Variants in LRRC7 observed in about 807,000 individuals in gnomAD.
LRRC7 encodes leucine rich repeat containing 7, also known as leucine-rich repeat-containing protein 7.
LRRC7 carries 23 observed loss-of-function variants against 175.7 expected under a neutral mutation model. The observed-to-expected ratio is 0.13, with a 90% CI of 0.09 to 0.19. The LOEUF (loss-of-function observed/expected upper bound fraction) is 0.19, where lower values mean the gene tolerates loss of function less well. LRRC7 is among the 10% of genes least tolerant of loss of function. LRRC7 has a pLI of 1.00. For missense variants in LRRC7, 1,354 were observed against 1,904.7 expected (o/e 0.71, Z 5.38); for synonymous variants, 685 against 680.9 (o/e 1.01, Z -0.09).
chr1:70,047,580 C>T (rs934203058), intron 22 of LRRC7, among the ~76,000 whole-genome samples: 1 of 152,092 alleles, frequency 6.6e-6, no homozygotes, highest in African/African-American at 2.4e-5. Flanking sequence ...ACTTGATAAA[C>T]TATTTACATA....
intron 8 of LRRC7, among the ~76,000 whole-genome samples, chr1:69,961,463 G>T (rs545739330): frequency 6.6e-6 from 1 of 152,016 alleles, no homozygotes; most frequent in Non-Finnish European, 1.5e-5. Flanking sequence ...GACATTCTTC[G>T]CAGAACTAGA....
At position 70,067,022 on chromosome 1, in the gene LRRC7, T is replaced by C. The variant is rs116190910; in HGVS notation, c.4231-9055T>C. Among the ~76,000 whole-genome samples the C allele has an allele frequency of 3.8e-3, 579 of 152,236 alleles. 3 individuals are homozygous for C. The highest frequency in any genetic ancestry group is 0.013 in the African/African-American group (547 of 41,572). ...GTGGTTTTAATTTCAATTTCCATAA[T>C]GACTAATAACGTTGAACATCTTTTT... On this transcript the variant is annotated intron_variant, in intron 23 of 26. Transcript: ENST00000651989.
chr1:70,086,541 G>T (rs915537265), intron 24 of LRRC7, among the ~76,000 whole-genome samples: 1 of 152,000 alleles, frequency 6.6e-6, no homozygotes, highest in Non-Finnish European at 1.5e-5. Context: ...CACTTTGGAA[G>T]GCTGAGATGG....
rs577291129 is a variant in LRRC7, at chr1:70,079,174, T to C, written c.4452+2876T>C. 3.1e-3 allele frequency among the ~76,000 whole-genome samples: 469 copies of C among 152,312 alleles called. 1 individual carries two copies. The highest frequency in any genetic ancestry group is 0.01 in the African/African-American group (421 of 41,582). ...TTAACCAGGAAAAAAATGGAGAACA[T>C]TTAAAACATGTAAAGACTTTATGGA... On this transcript the variant is annotated intron_variant, in intron 24 of 26. Coordinates refer to ENST00000651989, the MANE Select transcript of LRRC7 (RefSeq NM_001370785.2).
chr1:69,782,742 T>G (rs1673916259), intron 3 of LRRC7, among the ~76,000 whole-genome samples: 1 of 152,116 alleles, frequency 6.6e-6, no homozygotes, highest in African/African-American at 2.4e-5. Flanking sequence ...GAGATGGACC[T>G]AATCATATTT....
chr1:69,740,978 A>G (rs1316269389), intron 2 of LRRC7, among the ~76,000 whole-genome samples: 1 of 151,980 alleles, frequency 6.6e-6, no homozygotes, highest in African/African-American at 2.4e-5. Context: ...TAAATATTGT[A>G]TATATGTAAA....
intron 21 of LRRC7, 74 bp from the exon 22 acceptor site, chr1:70,043,880 A>G (rs1010389748): frequency 2.1e-5 from 31 of 1,492,082 alleles, no homozygotes; most frequent in Non-Finnish European, 2.7e-5. Flanking sequence ...TATAAATTTA[A>G]ACATGTTCAT....
chr1:69,596,266 T>G (rs563308706), intron 1 of LRRC7, among the ~76,000 whole-genome samples: 3 of 152,096 alleles, frequency 2.0e-5, no homozygotes, highest in South Asian at 4.2e-4. Context: ...TCCGGAGAGG[T>G]TAGATAACTT....
At chr1:70,118,579 C>A (rs1215433700) in intron 26 of LRRC7, among the ~76,000 whole-genome samples, 2 of 152,072 alleles carry the variant, frequency 1.3e-5, no homozygotes, top group Non-Finnish European at 1.5e-5. Context: ...GCTCAAATTA[C>A]TTGACATGAT....
chr1:70,071,337 T>C (rs1035408591), intron 23 of LRRC7, among the ~76,000 whole-genome samples: 3 of 152,202 alleles, frequency 2.0e-5, no homozygotes, highest in African/African-American at 7.2e-5. Flanking sequence ...TTCTCTTTAT[T>C]ATTCATAGTC....
In LRRC7 at chr1:70,110,720, GA is replaced by G. The variant is rs201461252; in HGVS notation, c.4620+2899del. On this transcript the variant is annotated intron_variant, in intron 26 of 26. Transcript: ENST00000651989. ...AAATCAAAGCCCATTTTCAATAAAG[GA>G]AAAAGTACATGGACTTTAATCAAAT... 8.4e-3 allele frequency among the ~76,000 whole-genome samples: 1,278 copies of G among 152,112 alleles called. 12 individuals carry two copies. Among genetic ancestry groups the G allele is most frequent in the African/African-American group, 0.029 (1,201 of 41,520 alleles).
At chr1:69,938,748 C>G (rs967791977) in intron 8 of LRRC7, among the ~76,000 whole-genome samples, 1 of 151,628 alleles carries the variant, frequency 6.6e-6, no homozygotes, top group African/African-American at 2.4e-5. Flanking sequence ...GCATGTATAC[C>G]TGAGGCAAGC....
At chr1:70,095,588 G>A (rs1664328807) in intron 25 of LRRC7, among the ~76,000 whole-genome samples, 1 of 152,022 alleles carries the variant, frequency 6.6e-6, no homozygotes, top group African/African-American at 2.4e-5. Context: ...TAAAAGGTAT[G>A]GTAGCATGCT....
At chr1:69,968,467 T>C (rs1651883019) in intron 8 of LRRC7, among the ~76,000 whole-genome samples, 1 of 152,144 alleles carries the variant, frequency 6.6e-6, no homozygotes, top group Non-Finnish European at 1.5e-5. Flanking sequence ...GGGAAATTCA[T>C]CACAAAGAGA....
intron 7 of LRRC7, among the ~76,000 whole-genome samples, chr1:69,925,981 A>G (rs970725704): frequency 6.6e-6 from 1 of 151,234 alleles, no homozygotes; most frequent in African/African-American, 2.4e-5. Flanking sequence ...AATGTGTCCC[A>G]GAGATTCTGG....
chr1:69,909,796 T>A (rs771715735), intron 7 of LRRC7, among the ~76,000 whole-genome samples: 14 of 152,176 alleles, frequency 9.2e-5, no homozygotes, highest in Admixed American at 5.2e-4. Flanking sequence ...TCTCTGTATT[T>A]CCTGAATCTG....
intron 1 of LRRC7, among the ~76,000 whole-genome samples, chr1:69,635,734 A>C (rs372241558): frequency 6.6e-6 from 1 of 152,084 alleles, no homozygotes; most frequent in Non-Finnish European, 1.5e-5. Context: ...AAAAGTTGAT[A>C]GTGTGCTTGC....
chr1:69,850,122 G>C (rs1682812381), intron 7 of LRRC7, among the ~76,000 whole-genome samples: 1 of 151,956 alleles, frequency 6.6e-6, no homozygotes, highest in African/African-American at 2.4e-5. Flanking sequence ...AGACCTTTAT[G>C]AACAGGTCCG....
chr1:70,100,439 A>ATTACAT lies in LRRC7; in HGVS notation c.4546-7310_4546-7305dup, dbSNP rs560541177. 6.6e-5 allele frequency among the ~76,000 whole-genome samples: 10 copies of ATTACAT among 152,244 alleles called. No individual in the cohort carries two copies. In the East Asian group the frequency reaches 1.9e-3, roughly 29 times the overall value. On this transcript the variant is annotated intron_variant, in intron 25 of 26. Coordinates refer to ENST00000651989, the MANE Select transcript of LRRC7 (RefSeq NM_001370785.2). Reference sequence around the variant, plus strand: ...CAATGTGTATTTATTTTGCTAGAATATTACATTTCATTATATTGCCACTAA... The same window carrying ATTACAT: ...CAATGTGTATTTATTTTGCTAGAATATTACATTTACATTTCATTATATTGCCACTAA...
Sources: allele counts gnomAD v4.1 joint callset (sites outside exome capture counted in the v4.1 genomes callset), GRCh38; gene constraint gnomAD v4.1.1; transcripts MANE v1.5; gene names NCBI Gene and HGNC (gene_info 2026-07-23, HGNC 2026-07-21).